Variants in KCNJ6 observed in about 807,000 individuals in gnomAD.
KCNJ6 encodes the protein potassium inwardly rectifying channel subfamily J member 6, also known as G protein-activated inward rectifier potassium channel 2.
KCNJ6 carries 9 observed loss-of-function variants against 34.2 expected under a neutral mutation model. That is an observed-to-expected ratio of 0.26 (90% CI 0.16 to 0.46). KCNJ6 has a LOEUF of 0.46. KCNJ6 is among the 20% of genes least tolerant of loss of function. The pLI is 1.00. For synonymous variants in KCNJ6, 196 were observed against 207.1 expected, an observed-to-expected ratio of 0.95 and a Z score of 0.46; for missense variants, 236 against 531.3, an observed-to-expected ratio of 0.44 and a Z score of 5.46.
intron 3 of KCNJ6, among the ~76,000 whole-genome samples, chr21:37,692,358 G>A (rs1569446552): frequency 6.6e-6 from 1 of 152,034 alleles, no homozygotes; most frequent in African/African-American, 2.4e-5. Flanking sequence ...TTTCCAAGGA[G>A]CAGCATTAGG....
At chr21:37,841,135 T>C (rs1363967221) in intron 1 of KCNJ6, among the ~76,000 whole-genome samples, 1 of 152,188 alleles carries the variant, frequency 6.6e-6, no homozygotes. Flanking sequence ...TAAATAGATT[T>C]TATACATATT....
intron 3 of KCNJ6, among the ~76,000 whole-genome samples, chr21:37,667,929 C>T (rs1164266259): frequency 3.3e-5 from 5 of 151,646 alleles, no homozygotes; most frequent in South Asian, 2.1e-4. Context: ...GTGGTGTCCT[C>T]CTCCAGGAGG....
chr21:37,764,263 G>A (rs1418122562), intron 2 of KCNJ6, among the ~76,000 whole-genome samples: 3 of 152,258 alleles, frequency 2.0e-5, no homozygotes, highest in East Asian at 3.9e-4. Flanking sequence ...GTAATAAGCT[G>A]AGAAAACGGA....
rs375935107 is a variant in KCNJ6 at position 37,743,357 on chromosome 21, AT to A, written c.26-28227del. On this transcript the variant is annotated intron_variant, in intron 2 of 3. Coordinates refer to ENST00000609713, the MANE Select transcript of KCNJ6 (RefSeq NM_002240.5). The stretch of plus-strand genomic sequence containing the variant: ...ATATGTGTGTGTGTGATACATATAT[AT>A]CTGTAGATGCCCTGATTGTATGTCA... 2.3e-3 allele frequency among the ~76,000 whole-genome samples: 347 copies of A among 152,228 alleles called. 3 individuals carry two copies. Among genetic ancestry groups the A allele is most frequent in the African/African-American group, 8.0e-3 (332 of 41,524 alleles).
At chr21:37,752,785 G>A (rs2123484616) in intron 2 of KCNJ6, among the ~76,000 whole-genome samples, 1 of 152,260 alleles carries the variant, frequency 6.6e-6, no homozygotes, top group East Asian at 1.9e-4. Context: ...CACTTCTTGG[G>A]TCCCAGAGCC....
intron 1 of KCNJ6, among the ~76,000 whole-genome samples, chr21:37,844,600 A>G (rs1156473981): frequency 6.6e-6 from 1 of 151,196 alleles, no homozygotes; most frequent in East Asian, 1.9e-4. Context: ...TTTCTTCTCC[A>G]CTCATACCTT....
At chr21:37,900,394 T>C (rs1022018378) in intron 1 of KCNJ6, among the ~76,000 whole-genome samples, 1 of 152,192 alleles carries the variant, frequency 6.6e-6, no homozygotes, top group Non-Finnish European at 1.5e-5. Flanking sequence ...CCATATCGAG[T>C]ACCTACTATG....
intron 2 of KCNJ6, among the ~76,000 whole-genome samples, chr21:37,810,922 C>T (rs532268047): frequency 2.6e-5 from 4 of 152,150 alleles, no homozygotes; most frequent in South Asian, 4.2e-4. Context: ...CTTGTAATTT[C>T]CCGTAATTTT....
intron 1 of KCNJ6, among the ~76,000 whole-genome samples, chr21:37,896,630 G>C (rs931829914): frequency 6.6e-6 from 1 of 152,196 alleles, no homozygotes; most frequent in Non-Finnish European, 1.5e-5. Flanking sequence ...GGAGGGCAGA[G>C]CTGTCACCCC....
At chr21:37,914,049 G>GTGTGTGTGTGTGTGTC in intron 1 of KCNJ6, among the ~76,000 whole-genome samples, 1 of 148,400 alleles carries the variant, frequency 6.7e-6, no homozygotes, top group Middle Eastern at 3.4e-3. Context: ...GTGTGTGTGT[G>GTGTGTGTGTGTGTGTC]TCTGTGCGCG....
intron 2 of KCNJ6, among the ~76,000 whole-genome samples, chr21:37,802,813 G>C (rs1348399294): frequency 1.3e-5 from 2 of 152,154 alleles, no homozygotes; most frequent in Non-Finnish European, 2.9e-5. Flanking sequence ...GTGAGACCAT[G>C]GGCAAACAGA....
At chr21:37,676,412 G>C (rs940142554) in intron 3 of KCNJ6, among the ~76,000 whole-genome samples, 5 of 152,208 alleles carry the variant, frequency 3.3e-5, no homozygotes, top group African/African-American at 9.7e-5. Flanking sequence ...TCTGCCGCCA[G>C]CCAACACCAG....
At chr21:37,763,587 C>T (rs974243486) in intron 2 of KCNJ6, among the ~76,000 whole-genome samples, 2 of 152,180 alleles carry the variant, frequency 1.3e-5, no homozygotes, top group South Asian at 2.1e-4. Flanking sequence ...TGACTGTGTG[C>T]CTCACCCTGT....
intron 2 of KCNJ6, among the ~76,000 whole-genome samples, chr21:37,718,128 C>G (rs711996): frequency 0.12 from 17,614 of 152,184 alleles, 1,315 homozygotes; most frequent in Admixed American, 0.16. Context: ...CTTGGCCCAT[C>G]TGGAGTTGAG....
At chr21:37,796,029 T>C (rs1186950342) in intron 2 of KCNJ6, among the ~76,000 whole-genome samples, 1 of 152,140 alleles carries the variant, frequency 6.6e-6, no homozygotes, top group Non-Finnish European at 1.5e-5. Flanking sequence ...TAATCCGTTC[T>C]ATGGGAGCCT....
intron 1 of KCNJ6, among the ~76,000 whole-genome samples, chr21:37,860,801 A>T (rs144033427): frequency 1.3e-5 from 2 of 152,276 alleles, no homozygotes; most frequent in Non-Finnish European, 2.9e-5. Flanking sequence ...TATCTAGCAT[A>T]GTTCCCATCT....
intron 3 of KCNJ6, among the ~76,000 whole-genome samples, chr21:37,681,053 G>C (rs575243165): frequency 7.2e-4 from 110 of 152,312 alleles, no homozygotes; most frequent in Non-Finnish European, 1.3e-3. Context: ...AAGGACACTG[G>C]GCCTGAGGAT....
chr21:37,701,395 T>TTGTGTG (rs71198889), intron 3 of KCNJ6, among the ~76,000 whole-genome samples: 108 of 151,506 alleles, frequency 7.1e-4, no homozygotes, highest in Middle Eastern at 3.4e-3. Flanking sequence ...GGTTAACTTT[T>TTGTGTG]TGTGTGTGTG....
intron 2 of KCNJ6, among the ~76,000 whole-genome samples, chr21:37,838,014 C>T (rs901876820): frequency 1.3e-5 from 2 of 152,172 alleles, no homozygotes; most frequent in Non-Finnish European, 2.9e-5. Flanking sequence ...CCAATAAACT[C>T]GGACATTGGG....
Sources: gnomAD v4.1 joint callset for allele counts (sites outside exome capture counted in the v4.1 genomes callset) on GRCh38, gnomAD v4.1.1 for gene constraint, MANE v1.5 for transcripts, NCBI Gene and HGNC (gene_info 2026-07-23, HGNC 2026-07-21) for gene names.